The following CSH2 variants were observed in gnomAD, a reference collection of about 807,000 sequenced individuals.
The protein encoded by CSH2 is chorionic somatomammotropin hormone 2.
A neutral mutation model predicts 22.7 loss-of-function variants in CSH2; 10 were observed. The ratio of observed to expected loss-of-function variants is 0.44; its 90% CI spans 0.27 to 0.75. The LOEUF is 0.75. Among genes scored for constraint, CSH2 ranks in the 30% least tolerant of loss-of-function variants. CSH2 has a pLI of 0.16. For missense variants in CSH2, 161 were observed against 271.0 expected (o/e 0.59, Z 2.85); for synonymous variants, 64 against 115.0 (o/e 0.56, Z 2.84).
In CSH2 at chr17:63,872,555, C is replaced by G. The variant is rs1811082; in HGVS notation, c.456+22G>C. The stretch of plus-strand genomic sequence containing the variant: ...TAAGCCAGTGGGGTTCCAGGATTGG[C>G]GACCCCTGGCGCCACCCTCACCCCC... On this transcript the variant is annotated intron_variant, in intron 4 of 4. Transcript: ENST00000392886. The G allele has an allele frequency of 7.4e-5, 120 of 1,613,866 alleles. 2 individuals are homozygous for G. The highest frequency in any genetic ancestry group is 9.7e-5 in the Non-Finnish European group (114 of 1,179,924).
chr17:63,872,213 G>C lies in CSH2; in HGVS notation c.567C>G (p.Leu189=), dbSNP rs546904900. 2 of 1,614,052 alleles carry C rather than the reference G, an allele frequency of 1.2e-6. No individual in the cohort carries two copies. The highest frequency in any genetic ancestry group is 1.7e-6 in the Non-Finnish European group (2 of 1,179,942). Reference sequence around the variant, plus strand: ...TGTCCATGTCCTTCCTGAAGCAGTAGAGCAGCCCGTAGTTCTTGAGCAGTG... The same window carrying C: ...TGTCCATGTCCTTCCTGAAGCAGTACAGCAGCCCGTAGTTCTTGAGCAGTG... ...HDALLKNYGL[L]YCFRKDMDKV... The change falls in exon 5 of 5, where the codon CTC becomes CTG. Residue 189 remains leucine, a synonymous_variant. Coordinates refer to ENST00000392886, the MANE Select transcript of CSH2 (RefSeq NM_020991.4).
chr17:63,872,556 G>C lies in CSH2; in HGVS notation c.456+21C>G, dbSNP rs368416587. The C allele has an allele frequency of 4.3e-6, 7 of 1,613,892 alleles. No individual in the cohort carries two copies. In the East Asian group the frequency reaches 1.1e-4, roughly 26 times the overall value. On this transcript the variant is annotated intron_variant, in intron 4 of 4. Coordinates refer to ENST00000392886, the MANE Select transcript of CSH2 (RefSeq NM_020991.4). ...AAGCCAGTGGGGTTCCAGGATTGGC[G>C]ACCCCTGGCGCCACCCTCACCCCCA... is the stretch of plus-strand genomic sequence containing the variant.
rs949977148 is a variant in CSH2, at chr17:63,872,508, G to A, written c.456+69C>T. On this transcript the variant is annotated intron_variant, in intron 4 of 4. Coordinates refer to ENST00000392886, the MANE Select transcript of CSH2 (RefSeq NM_020991.4). ...CCTGACTGCTACAAAGAGGGCAGCAGTGTTTCTCTCCCCCAGCCCTCTAAG... is the reference window on the plus strand; with the variant it reads ...CCTGACTGCTACAAAGAGGGCAGCAATGTTTCTCTCCCCCAGCCCTCTAAG... 7.4e-6 allele frequency: 12 copies of A among 1,613,864 alleles called. No individual in the cohort carries two copies. The Admixed American group carries it at 2.0e-4, about 27-fold the overall frequency.
At chr17:63,873,151 G>C in intron 2 of CSH2, 28 bp downstream of exon 2, 1 of 1,612,914 alleles carries the variant, frequency 6.2e-7, no homozygotes, top group Non-Finnish European at 8.5e-7. Context: ...TGCCACCCCT[G>C]ACCCGCACCC....
chr17:63,872,469 C>A (rs1905138304), intron 4 of CSH2, 108 bp downstream of exon 4: 5 of 1,613,752 alleles, frequency 3.1e-6, no homozygotes, highest in African/African-American at 1.3e-5. Flanking sequence ...AAGGTGAGTT[C>A]TCTTGGGTCA....
chr17:63,872,576 C>G lies in CSH2; in HGVS notation c.456+1G>C. On this transcript the variant is annotated splice_donor_variant, in intron 4 of 4. Transcript: ENST00000392886. LOFTEE classifies it high-confidence loss of function. ...TTGGCGACCCCTGGCGCCACCCTCA[C>G]CCCCATCAGCGTTTGGATGCCTTCC... 3 of 1,613,986 alleles carry G rather than the reference C, an allele frequency of 1.9e-6. No individual in the cohort carries two copies. The highest frequency in any genetic ancestry group is 2.5e-6 in the Non-Finnish European group (3 of 1,179,892).
chr17:63,872,508 G>T, intron 4 of CSH2, 69 bp downstream of exon 4: 1 of 1,613,982 alleles, frequency 6.2e-7, no homozygotes, highest in Non-Finnish European at 8.5e-7. Context: ...GAGGGCAGCA[G>T]TGTTTCTCTC....
At position 63,872,532 on chromosome 17, in the gene CSH2, A is replaced by C. The variant is rs546841295; in HGVS notation, c.456+45T>G. 1.9e-5 allele frequency: 30 copies of C among 1,613,960 alleles called. No homozygotes were observed. The African/African-American group carries it at 3.9e-4, about 21-fold the overall frequency. Reference sequence around the variant, plus strand: ...AGTGTTTCTCTCCCCCAGCCCTCTAAGCCAGTGGGGTTCCAGGATTGGCGA... The same window carrying C: ...AGTGTTTCTCTCCCCCAGCCCTCTACGCCAGTGGGGTTCCAGGATTGGCGA... On this transcript the variant is annotated intron_variant, in intron 4 of 4. Transcript: ENST00000392886.
rs1199092979 is a variant in CSH2 at position 63,873,584 on chromosome 17, AG to A, written c.10+20del. ...TCCCCTCAGGACACGTTGTGCCCAA[AG>A]GGATTTTAGGGGCGCTTACCTGCAG... On this transcript the variant is annotated intron_variant, in intron 1 of 4. Coordinates refer to ENST00000392886, the MANE Select transcript of CSH2 (RefSeq NM_020991.4). 5.0e-6 allele frequency: 8 copies of A among 1,610,288 alleles called. No homozygotes were observed. Among genetic ancestry groups the A allele is most frequent in the Non-Finnish European group, 6.8e-6 (8 of 1,178,376 alleles).
At position 63,872,254 on chromosome 17, in the gene CSH2, A is replaced by G; in HGVS notation, c.526T>C (p.Ser176Pro). ...KQTYSKFDTN[S>P]HNHDALLKNY... ...TTGAGCAGTGCGTCATGGTTGTGTG[A>G]GTTTGTGTCAAACTTGCTGTAGGTC... Residue 176 changes from serine to proline, a missense_variant, in exon 5 of 5, where the codon TCA (serine) becomes CCA (proline). Physicochemically the swap from Ser to Pro is moderately conservative, Grantham distance 74. Around this residue, in one of 2 missense-constraint regions of CSH2, gnomAD observed 145 missense variants for 157.8 expected, o/e 0.92. Coordinates refer to ENST00000392886, the MANE Select transcript of CSH2 (RefSeq NM_020991.4). 6.2e-7 allele frequency: 1 copy of G among 1,613,948 alleles called. No homozygotes were observed.
chr17:63,873,687 T>C (rs1265797516), upstream of CSH2: 29 of 1,504,544 alleles, frequency 1.9e-5, 1 homozygote, highest in Middle Eastern at 1.4e-3. Context: ...AGAGCCGGTC[T>C]CTTGTGGGCC....
Position 63,872,296 on chromosome 17 carries a change from C to T in CSH2, c.484G>A (p.Gly162Arg), listed in dbSNP as rs1437216661. Residue 162 changes from glycine to arginine, a missense_variant, in exon 5 of 5, where the codon GGG (glycine) becomes AGG (arginine). Coordinates refer to ENST00000392886, the MANE Select transcript of CSH2 (RefSeq NM_020991.4). ...GRLEDGSRRT[G>R]QILKQTYSKF... ...CTGTAGGTCTGCTTGAGGATCTGCC[C>T]AGTCCGGCGGCTGCCGTCTTCCAGC... 2 of 1,613,860 alleles carry T rather than the reference C, an allele frequency of 1.2e-6. No individual in the cohort carries two copies. Among genetic ancestry groups the T allele is most frequent in the South Asian group, 2.2e-5 (2 of 91,070 alleles).
In CSH2 at chr17:63,872,688, G is replaced by A. The variant is rs771640430; in HGVS notation, c.345C>T (p.Pro115=). 5 of 1,599,424 alleles carry A rather than the reference G, an allele frequency of 3.1e-6. No individual in the cohort carries two copies. Among genetic ancestry groups the A allele is most frequent in the East Asian group, 4.5e-5 (2 of 44,446 alleles). The change falls in exon 4 of 5, where the codon CCC becomes CCT. Residue 115 remains proline, a synonymous_variant. Transcript: ENST00000392886. ...SLLLIESWLE[P]VRFLRSMFAN... is the part of the protein sequence containing the mutation. ...CGAACATACTCCTGAGGAACCGCAC[G>A]GGCTCCAGCCACGACTCGATGAGCA... is the stretch of plus-strand genomic sequence containing the variant.
At chr17:63,873,430 C>T in intron 1 of CSH2, 91 bp from the exon 2 acceptor site, 1 of 1,603,188 alleles carries the variant, frequency 6.2e-7, no homozygotes, top group Non-Finnish European at 8.5e-7. Context: ...TTTTCTCTCT[C>T]TCCATCCCTC....
At chr17:63,873,428 C>G in intron 1 of CSH2, 89 bp from the exon 2 acceptor site, 1 of 1,603,608 alleles carries the variant, frequency 6.2e-7, no homozygotes, top group East Asian at 2.3e-5. Flanking sequence ...TTTTTTCTCT[C>G]TCTCCATCCC....
At position 63,872,683 on chromosome 17, in the gene CSH2, C is replaced by T. The variant is rs1357628511; in HGVS notation, c.350G>A (p.Arg117Gln). 6 of 1,600,822 alleles carry T rather than the reference C, an allele frequency of 3.7e-6. No homozygotes were observed. Among genetic ancestry groups the T allele is most frequent in the East Asian group, 2.2e-5 (1 of 44,478 alleles). The change falls in exon 4 of 5, where the codon CGG becomes CAG. Residue 117 changes from arginine (R) to glutamine (Q), a missense_variant. Arg to Gln is a conservative substitution (Grantham distance 43). This residue lies in a region of CSH2 where 145 missense variants were observed against 157.8 expected (regional missense o/e 0.92). Coordinates refer to ENST00000392886, the MANE Select transcript of CSH2 (RefSeq NM_020991.4). The part of the protein sequence containing the change: ...LLIESWLEPV[R>Q]FLRSMFANNL... ...GTTGGCGAACATACTCCTGAGGAAC[C>T]GCACGGGCTCCAGCCACGACTCGAT...
At chr17:63,872,477 T>C (rs1905138488) in intron 4 of CSH2, 100 bp downstream of exon 4, 1 of 1,613,800 alleles carries the variant, frequency 6.2e-7, no homozygotes, top group Non-Finnish European at 8.5e-7. Context: ...TTCTCTTGGG[T>C]CAGCGCCTGA....
chr17:63,872,444 G>C (rs1905137424), intron 4 of CSH2, 121 bp from the exon 5 acceptor site: 1 of 1,613,652 alleles, frequency 6.2e-7, no homozygotes, highest in African/African-American at 1.3e-5. Flanking sequence ...GGATTCACCA[G>C]GCGAAATGAA....
chr17:63,872,093 G>C lies in CSH2; in HGVS notation c.*33C>G. ...CTTCCAGGGCCAGGAGAGGCACTGG[G>C]GAGGGGTCGGTCACAGGATGCCACG... On this transcript the variant is annotated 3_prime_UTR_variant, in exon 5 of 5. Coordinates refer to ENST00000392886, the MANE Select transcript of CSH2 (RefSeq NM_020991.4). 6.2e-7 allele frequency: 1 copy of C among 1,613,942 alleles called. No homozygotes were observed. Among genetic ancestry groups the C allele is most frequent in the Middle Eastern group, 1.7e-4 (1 of 6,056 alleles).
Sources: allele counts gnomAD v4.1 joint callset, GRCh38; gene constraint gnomAD v4.1.1; regional missense constraint gnomAD v4.1.1; transcripts MANE v1.5; gene names NCBI Gene and HGNC (gene_info 2026-07-23, HGNC 2026-07-21).